AMPD2: variants seen among roughly 807,000 people sequenced by gnomAD.
The protein encoded by AMPD2 is AMP deaminase 2.
AMPD2 carries 52 observed loss-of-function variants against 91.3 expected under a neutral mutation model. The ratio of observed to expected loss-of-function variants is 0.57; its 90% CI spans 0.46 to 0.72. AMPD2 has a LOEUF of 0.72. Among genes scored for constraint, AMPD2 ranks in the 30% least tolerant of loss-of-function variants. The pLI, the probability that AMPD2 is intolerant of heterozygous loss-of-function variation, is 0.00. For synonymous variants in AMPD2, 455 were observed against 456.4 expected (o/e 1.00, Z 0.04); for missense variants, 822 against 1,122.3 (o/e 0.73, Z 3.82).
rs753164545 is a variant in AMPD2 at position 109,628,450 on chromosome 1, G to A, written c.1362G>A (p.Lys454=). The part of the protein sequence containing the change: ...GESVLREIFI[K]TDNRVSGKYF... The stretch of plus-strand genomic sequence containing the variant: ...CCGTCCTCCGAGAGATCTTCATCAA[G>A]ACGGACAACAGGGTATCTGGGAAGT... Residue 454 remains lysine, a synonymous_variant, in exon 12 of 19, where the codon AAG becomes AAA. Transcript: ENST00000528667. This position sits in a 1 kb window ranked among gnomAD's most constrained non-coding sequence, Gnocchi z 7.1. The A allele has an allele frequency of 6.2e-7, 1 of 1,613,490 alleles. No individual in the cohort carries two copies. Among genetic ancestry groups the A allele is most frequent in the Admixed American group, 1.7e-5 (1 of 60,028 alleles).
chr1:109,623,269 T>C (rs778541774), intron 2 of AMPD2, among the ~76,000 whole-genome samples: 20 of 152,274 alleles, frequency 1.3e-4, no homozygotes, highest in Admixed American at 3.3e-4. Context: ...TCGCCCCACT[T>C]GTAGATGAGG....
At chr1:109,622,725 C>T (rs1650363967) in intron 2 of AMPD2, among the ~76,000 whole-genome samples, 1 of 152,040 alleles carries the variant, frequency 6.6e-6, no homozygotes, top group Non-Finnish European at 1.5e-5. Flanking sequence ...CTGCTCACCC[C>T]AGGATTGCTG....
chr1:109,628,074 C>G lies in AMPD2; in HGVS notation c.1081-9C>G, dbSNP rs1650865583. On this transcript the variant is annotated splice_polypyrimidine_tract_variant and intron_variant, in intron 10 of 18. Transcript: ENST00000528667. The surrounding 1 kb of genome is among the most constrained non-coding windows in gnomAD (Gnocchi z 7.1). ...TCTGGTGGATCAGCAGTGCCCTGTT[C>G]CATTCCAGGTGGACACCCACATCCA... The G allele has an allele frequency of 2.5e-6, 4 of 1,612,012 alleles. No individual in the cohort carries two copies. The highest frequency in any genetic ancestry group is 3.4e-4 in the Middle Eastern group (2 of 5,968).
rs775628427 is a variant in AMPD2, at chr1:109,621,024, G to C, written c.-152G>C. On this transcript the variant is annotated 5_prime_UTR_variant, in exon 2 of 19. Coordinates refer to ENST00000528667, the MANE Select transcript of AMPD2 (RefSeq NM_001368809.2). ...GGTTGCCTAGACAACATGAGAAATC[G>C]TGGCCAGGGCCTCTTCCGCCTGCGG... 1 of 1,591,248 alleles carries C rather than the reference G, an allele frequency of 6.3e-7. No individual in the cohort carries two copies. The highest frequency in any genetic ancestry group is 8.6e-7 in the Non-Finnish European group (1 of 1,168,904).
At chr1:109,620,419 C>G in intron 1 of AMPD2, 141 bp downstream of exon 1, 1 of 1,377,628 alleles carries the variant, frequency 7.3e-7, no homozygotes, top group African/African-American at 1.4e-5. Context: ...GCCTGGGGAG[C>G]AGAGCCAGAG....
intron 13 of AMPD2, 104 bp from the exon 14 acceptor site, chr1:109,629,005 A>G: frequency 5.3e-6 from 8 of 1,517,318 alleles, no homozygotes; most frequent in Non-Finnish European, 7.1e-6. Context: ...TATGGTTCAG[A>G]TGCGCCCCTG....
chr1:109,628,803 T>C lies in AMPD2; in HGVS notation c.1568T>C (p.Leu523Pro), dbSNP rs1252353576. ...CGCTGGCTGGTGCAGGTGCCCCGCC[T>C]CTTGTGAGTGTCCCTGGAGTGGGAG... ...NVRWLVQVPR[L>P]FDVYRTKGQL... Residue 523 changes from leucine (L) to proline (P), a missense_variant, in exon 13 of 19, where the codon CTC becomes CCC. Leu to Pro is a moderately conservative substitution (Grantham distance 98). Around this residue, in one of 5 missense-constraint regions of AMPD2, gnomAD observed 430 missense variants for 606.0 expected, o/e 0.71. Coordinates refer to ENST00000528667, the MANE Select transcript of AMPD2 (RefSeq NM_001368809.2). The surrounding 1 kb of genome is among the most constrained non-coding windows in gnomAD (Gnocchi z 7.1). 6.4e-7 allele frequency: 1 copy of C among 1,560,134 alleles called. No individual in the cohort carries two copies. Among genetic ancestry groups the C allele is most frequent in the Non-Finnish European group, 8.7e-7 (1 of 1,151,676 alleles).
chr1:109,620,782 G>T (rs1198153080), intron 1 of AMPD2, 132 bp from the exon 2 acceptor site: 5 of 1,319,112 alleles, frequency 3.8e-6, no homozygotes, highest in Non-Finnish European at 4.8e-6. Flanking sequence ...GGACCAGCTA[G>T]CCTGGACTTT....
At chr1:109,630,588 G>T in intron 17 of AMPD2, 95 bp from the exon 18 acceptor site, 1 of 831,602 alleles carries the variant, frequency 1.2e-6, no homozygotes, top group Non-Finnish European at 1.8e-6. Context: ...GGGGATGGGG[G>T]GGCGGGGGTG....
chr1:109,626,560 G>T, intron 6 of AMPD2, 133 bp downstream of exon 6: 2 of 1,302,060 alleles, frequency 1.5e-6, no homozygotes, highest in Non-Finnish European at 2.1e-6. Flanking sequence ...GAGGGGCAGA[G>T]GGGCTGCCTA....
At chr1:109,623,444 G>A (rs1325840553) in intron 2 of AMPD2, among the ~76,000 whole-genome samples, 1 of 152,170 alleles carries the variant, frequency 6.6e-6, no homozygotes, top group Non-Finnish European at 1.5e-5. Flanking sequence ...AGGGGCCTGC[G>A]AACCAGCCCC....
rs1459853873 is a variant in AMPD2, at chr1:109,620,148, C to T, written c.-393C>T. 7.2e-7 allele frequency: 1 copy of T among 1,384,554 alleles called. No individual in the cohort carries two copies. Among genetic ancestry groups the T allele is most frequent in the Non-Finnish European group, 1.0e-6 (1 of 974,272 alleles). The allele number at this position is 1,384,554 out of a possible 1,614,324, so 85.8% of individuals were successfully genotyped here. Reference sequence around the variant, plus strand: ...TACTTTCCCCATCTCAGTGCCAGGGCAGGGGCCCTTGGAGTGACTTGGCTG... The same window carrying T: ...TACTTTCCCCATCTCAGTGCCAGGGTAGGGGCCCTTGGAGTGACTTGGCTG... On this transcript the variant is annotated 5_prime_UTR_variant, in exon 1 of 19. Coordinates refer to ENST00000528667, the MANE Select transcript of AMPD2 (RefSeq NM_001368809.2).
intron 9 of AMPD2, 39 bp from the exon 10 acceptor site, chr1:109,627,735 T>G: frequency 6.2e-7 from 1 of 1,609,180 alleles, no homozygotes; most frequent in Non-Finnish European, 8.5e-7. Context: ...GTGCCTCCCT[T>G]CAGGGCCTAA....
At chr1:109,623,964 C>T (rs543669579) in intron 2 of AMPD2, 1 of 982,586 alleles carries the variant, frequency 1.0e-6, no homozygotes, top group African/African-American at 1.7e-5. Flanking sequence ...ATCTCAGGGT[C>T]TCCCCTGCTT....
In AMPD2 at chr1:109,625,188, C is replaced by A; in HGVS notation, c.92-115C>A. 1 of 1,425,316 alleles carries A rather than the reference C, an allele frequency of 7.0e-7. No homozygotes were observed. 88.3% of individuals were successfully genotyped at this position (1,425,316 alleles called of 1,614,324 possible). A position where few individuals can be genotyped will look rare whatever the true frequency, so the allele number is the denominator to read the frequency against. On this transcript the variant is annotated intron_variant, in intron 2 of 18. Coordinates refer to ENST00000528667, the MANE Select transcript of AMPD2 (RefSeq NM_001368809.2). The surrounding 1 kb of genome is among the most constrained non-coding windows in gnomAD (Gnocchi z 4.0). The stretch of plus-strand genomic sequence containing the variant: ...CTACTCCTCAGCTACTGAGGAGGGA[C>A]TGCCCTCTTTCCCGACCCTGGGCTC...
chr1:109,624,223 C>A lies in AMPD2; in HGVS notation c.92-1080C>A. ...GAAATGGGCGCAGAGACTTTAAGGCCGGCTACCTAGGCAGATCCTGTAATC... is the reference window on the plus strand; with the variant it reads ...GAAATGGGCGCAGAGACTTTAAGGCAGGCTACCTAGGCAGATCCTGTAATC... On this transcript the variant is annotated intron_variant, in intron 2 of 18. Coordinates refer to ENST00000528667, the MANE Select transcript of AMPD2 (RefSeq NM_001368809.2). The surrounding 1 kb of genome is among the most constrained non-coding windows in gnomAD (Gnocchi z 5.2). The A allele has an allele frequency of 3.0e-6, 1 of 332,334 alleles. No individual in the cohort carries two copies. Among genetic ancestry groups the A allele is most frequent in the Non-Finnish European group, 4.3e-6 (1 of 232,670 alleles). 20.6% of individuals were successfully genotyped at this position (332,334 alleles called of 1,614,324 possible). A position where few individuals can be genotyped will look rare whatever the true frequency, so the allele number is the denominator to read the frequency against.
rs747822677 is a variant in AMPD2 at position 109,627,791 on chromosome 1, G to A, written c.968G>A (p.Arg323His). ...INGPIKSFCYRRLQYLSSKFQ... is the reference protein window; with the variant it reads ...INGPIKSFCYHRLQYLSSKFQ... ...ATGCCCAGAAAGTCATTCTGCTACC[G>A]CCGGCTGCAGTACCTGAGCTCCAAG... The change falls in exon 10 of 19, where the codon CGC becomes CAC. Residue 323 changes from arginine (R) to histidine (H), a missense_variant. Around this residue, in one of 5 missense-constraint regions of AMPD2, gnomAD observed 37 missense variants for 84.8 expected, o/e 0.44. Coordinates refer to ENST00000528667, the MANE Select transcript of AMPD2 (RefSeq NM_001368809.2). The A allele has an allele frequency of 1.9e-6, 3 of 1,613,942 alleles. No homozygotes were observed. The highest frequency in any genetic ancestry group is 1.1e-5 in the South Asian group (1 of 91,074).
At position 109,627,908 on chromosome 1, in the gene AMPD2, G is replaced by A; in HGVS notation, c.1080+5G>A. The A allele has an allele frequency of 6.2e-7, 1 of 1,613,762 alleles. No individual in the cohort carries two copies. ...GATTTCTACAACATCCGCAAGGTGG[G>A]CCCTCACCCCGTGGCCGTCTCCATG... is the stretch of plus-strand genomic sequence containing the variant. On this transcript the variant is annotated splice_donor_5th_base_variant and intron_variant, in intron 10 of 18. Transcript: ENST00000528667.
intron 6 of AMPD2, 57 bp downstream of exon 6, chr1:109,626,484 C>A (rs1392003259): frequency 2.0e-6 from 3 of 1,498,904 alleles, no homozygotes; most frequent in Non-Finnish European, 2.7e-6. Flanking sequence ...AGTGGGTTCC[C>A]CCAGCCTGGA....
Sources: allele counts gnomAD v4.1 joint callset (sites outside exome capture counted in the v4.1 genomes callset), GRCh38; gene constraint gnomAD v4.1.1; regional missense constraint gnomAD v4.1.1; non-coding constraint Gnocchi (gnomAD v3.1); transcripts MANE v1.5; gene names NCBI Gene and HGNC (gene_info 2026-07-23, HGNC 2026-07-21).